SLC24A2: variants seen among roughly 807,000 people sequenced by gnomAD.
SLC24A2 encodes the protein solute carrier family 24 member 2.
In SLC24A2, 36 loss-of-function variants were observed where a neutral mutation model predicts 62.0. The observed-to-expected ratio is 0.58, with a 90% CI of 0.44 to 0.77. The LOEUF (loss-of-function observed/expected upper bound fraction) is 0.77, where lower values mean the gene tolerates loss of function less well. SLC24A2 is among the 30% of genes least tolerant of loss of function. SLC24A2 has a pLI of 0.00. For synonymous variants in SLC24A2, 358 were observed against 294.0 expected (o/e 1.22, Z -2.23); for missense variants, 846 against 817.9 (o/e 1.03, Z -0.42).
At chr9:20,204,300 C>T in the SLC24A2 span, among the ~76,000 whole-genome samples, 150,512 of 152,324 alleles carry the variant, frequency 0.99, 74,372 homozygotes, top group South Asian at 1. Context: ...AAGTAACTTA[C>T]TGAATTAAAA....
chr9:19,754,210 T>G (rs1341297965), intron 2 of SLC24A2, among the ~76,000 whole-genome samples: 1 of 152,186 alleles, frequency 6.6e-6, no homozygotes, highest in Non-Finnish European at 1.5e-5. Flanking sequence ...AGGATCCGCC[T>G]GCAGCCACAG....
At chr9:20,258,832 T>C in the SLC24A2 span, among the ~76,000 whole-genome samples, 1 of 133,780 alleles carries the variant, frequency 7.5e-6, no homozygotes, top group African/African-American at 2.9e-5. Flanking sequence ...TATCTATCTA[T>C]CTGTCTATCT....
the SLC24A2 span, among the ~76,000 whole-genome samples, chr9:19,826,173 CAAA>C: frequency 0.015 from 1,670 of 110,718 alleles, 9 homozygotes; most frequent in African/African-American, 0.025. Flanking sequence ...TGATGCATTG[CAAA>C]AAAAAAAAAA....
the SLC24A2 span, among the ~76,000 whole-genome samples, chr9:20,216,997 A>G: frequency 2.1e-4 from 32 of 152,190 alleles, no homozygotes; most frequent in African/African-American, 7.7e-4. Context: ...GAACTGAATC[A>G]AATGTATACA....
intron 8 of SLC24A2, among the ~76,000 whole-genome samples, chr9:19,543,641 A>G (rs531392014): frequency 6.6e-6 from 1 of 152,224 alleles, no homozygotes; most frequent in East Asian, 1.9e-4. Flanking sequence ...GTTAGTTCTC[A>G]TTGGTTTCAA....
the SLC24A2 span, among the ~76,000 whole-genome samples, chr9:20,281,610 A>T: frequency 6.6e-6 from 1 of 152,216 alleles, no homozygotes; most frequent in Non-Finnish European, 1.5e-5. Context: ...CTTTTGTGCC[A>T]CATAGTGTTG....
intron 2 of SLC24A2, among the ~76,000 whole-genome samples, chr9:19,635,569 T>C (rs1381752613): frequency 6.6e-6 from 1 of 152,176 alleles, no homozygotes; most frequent in Non-Finnish European, 1.5e-5. Flanking sequence ...TATGGGAAAA[T>C]GACACTTGCC....
chr9:19,624,750 A>G (rs1817991886), intron 2 of SLC24A2, among the ~76,000 whole-genome samples: 1 of 152,110 alleles, frequency 6.6e-6, no homozygotes, highest in Admixed American at 6.5e-5. Context: ...CCATTAAAAC[A>G]CCCCTCTACT....
the SLC24A2 span, among the ~76,000 whole-genome samples, chr9:20,037,707 G>C: frequency 6.6e-6 from 1 of 152,114 alleles, no homozygotes; most frequent in Non-Finnish European, 1.5e-5. Context: ...GGGCATTTTT[G>C]CCTCCCAAGA....
the SLC24A2 span, among the ~76,000 whole-genome samples, chr9:20,089,118 G>A: frequency 6.6e-6 from 1 of 152,142 alleles, no homozygotes; most frequent in African/African-American, 2.4e-5. Flanking sequence ...CCCAGTGGGA[G>A]GGGTGTGTTG....
the SLC24A2 span, among the ~76,000 whole-genome samples, chr9:19,950,862 G>A: frequency 1.3e-5 from 2 of 152,156 alleles, no homozygotes; most frequent in African/African-American, 2.4e-5. Context: ...AAACATCCCG[G>A]AGCCTATGAG....
chr9:19,800,678 G>C, the SLC24A2 span, among the ~76,000 whole-genome samples: 1 of 151,590 alleles, frequency 6.6e-6, no homozygotes, highest in Non-Finnish European at 1.5e-5. Context: ...TTCAAAAGCT[G>C]CCTAATATTT....
At chr9:19,582,470 T>C (rs778676558) in intron 5 of SLC24A2, among the ~76,000 whole-genome samples, 1 of 152,032 alleles carries the variant, frequency 6.6e-6, no homozygotes, top group African/African-American at 2.4e-5. Context: ...GAGAAAAAGA[T>C]GCAAAGAGAG....
the SLC24A2 span, among the ~76,000 whole-genome samples, chr9:20,210,048 T>C: frequency 2.0e-5 from 3 of 152,204 alleles, no homozygotes; most frequent in Admixed American, 2.0e-4. Flanking sequence ...GAAGAGTTCA[T>C]TGTCAGGGGT....
At chr9:19,753,137 A>G (rs1174556963) in intron 2 of SLC24A2, among the ~76,000 whole-genome samples, 2 of 152,156 alleles carry the variant, frequency 1.3e-5, no homozygotes, top group Non-Finnish European at 2.9e-5. Context: ...TTGAATGAGG[A>G]CACAAAAGGC....
At chr9:19,769,881 T>C (rs566477111) in intron 2 of SLC24A2, among the ~76,000 whole-genome samples, 1 of 152,190 alleles carries the variant, frequency 6.6e-6, no homozygotes, top group Admixed American at 6.5e-5. Flanking sequence ...GGGTTGCCTG[T>C]TCTATTTGGT....
intron 2 of SLC24A2, among the ~76,000 whole-genome samples, chr9:19,682,107 C>A (rs1331143515): frequency 1.3e-5 from 2 of 152,106 alleles, no homozygotes; most frequent in African/African-American, 2.4e-5. Context: ...ACCTAGAGAG[C>A]CTCTGAAACT....
chr9:20,160,855 GAA>G, the SLC24A2 span, among the ~76,000 whole-genome samples: 1 of 144,400 alleles, frequency 6.9e-6, no homozygotes, highest in African/African-American at 2.6e-5. Flanking sequence ...GCCTAAAACA[GAA>G]AAAAAAAGCC....
the SLC24A2 span, among the ~76,000 whole-genome samples, chr9:20,030,022 C>A: frequency 6.6e-6 from 1 of 152,198 alleles, no homozygotes; most frequent in African/African-American, 2.4e-5. Context: ...TGGAGGTGAA[C>A]TTTGATGGAG....
Sources: gnomAD v4.1 joint callset for allele counts (sites outside exome capture counted in the v4.1 genomes callset) on GRCh38, gnomAD v4.1.1 for gene constraint, MANE v1.5 for transcripts, NCBI Gene and HGNC (gene_info 2026-07-23, HGNC 2026-07-21) for gene names.